Variants in TOP1MT observed in about 807,000 individuals in gnomAD.
TOP1MT encodes DNA topoisomerase I, mitochondrial.
In TOP1MT, 80 loss-of-function variants were observed where a neutral mutation model predicts 73.9. That is an observed-to-expected ratio of 1.08 (90% confidence interval 0.90 to 1.30). TOP1MT has a LOEUF of 1.30. TOP1MT is among the 50% of genes most tolerant of loss of function. The pLI, the probability that TOP1MT is intolerant of heterozygous loss-of-function variation, is 0.00. For synonymous variants in TOP1MT, 338 were observed against 326.4 expected, an observed-to-expected ratio of 1.04 and a Z score of -0.38; for missense variants, 815 against 808.0, an observed-to-expected ratio of 1.01 and a Z score of -0.10.
upstream of TOP1MT, among the ~76,000 whole-genome samples, chr8:143,347,356 C>T (rs916192585): frequency 1.3e-5 from 2 of 152,208 alleles, no homozygotes; most frequent in Non-Finnish European, 2.9e-5. Context: ...AGGGTTTCAC[C>T]ATGTTAGCCA....
At chr8:143,316,546 CCCA>C (rs1816169901) in intron 10 of TOP1MT, among the ~76,000 whole-genome samples, 1 of 42,812 alleles carries the variant, frequency 2.3e-5, no homozygotes, top group East Asian at 5.3e-4. Context: ...GTCACAAGTC[CCCA>C]GCACCCGGCT....
At chr8:143,310,041 G>A in intron 13 of TOP1MT, 27 bp downstream of exon 13, 1 of 1,607,864 alleles carries the variant, frequency 6.2e-7, no homozygotes, top group African/African-American at 1.3e-5. Flanking sequence ...GGCCACAGGT[G>A]GGAACTGAGA....
rs572479640 is a variant in TOP1MT, at chr8:143,334,577, G to A, written c.122+163C>T. On this transcript the variant is annotated intron_variant, in intron 1 of 13. Coordinates refer to ENST00000329245, the MANE Select transcript of TOP1MT (RefSeq NM_052963.3). The stretch of plus-strand genomic sequence containing the variant: ...GGGGGGGCCTGTACACCCCGGGCAG[G>A]AGGCGGGCCGGTCACACCGCGGCAC... Among the ~76,000 whole-genome samples the A allele has an allele frequency of 9.8e-4, 150 of 152,362 alleles. 3 individuals are homozygous for A. In the South Asian group the frequency reaches 0.029, roughly 30 times the overall value.
At chr8:143,353,561 T>C (rs986172566) in intron 1 of TOP1MT, among the ~76,000 whole-genome samples, 6 of 151,678 alleles carry the variant, frequency 4.0e-5, no homozygotes, top group Non-Finnish European at 8.8e-5. Context: ...TTACACTGAG[T>C]TACCACTTTA....
At chr8:143,321,845 G>A (rs200755745) in intron 7 of TOP1MT, among the ~76,000 whole-genome samples, 391 of 22,420 alleles carry the variant, frequency 0.017, 1 homozygote, top group East Asian at 0.083. Context: ...CACGCCACAC[G>A]CACGCCACAC....
upstream of TOP1MT, among the ~76,000 whole-genome samples, chr8:143,347,332 T>G (rs1276039884): frequency 1.3e-5 from 2 of 152,174 alleles, no homozygotes; most frequent in Admixed American, 1.3e-4. Flanking sequence ...CTTTTTTGTA[T>G]TTTTAGTAGA....
chr8:143,322,624 GGCACGTCACACACACACGCCACAC>G (rs1816495370), intron 7 of TOP1MT, among the ~76,000 whole-genome samples: 1 of 56,442 alleles, frequency 1.8e-5, no homozygotes, highest in Admixed American at 2.8e-4. Flanking sequence ...ATGCCACACA[GGCACGTCACACACACACGCCACAC>G]GCACACCACA....
At chr8:143,347,781 G>C (rs1033292621), upstream of TOP1MT, among the ~76,000 whole-genome samples, 2 of 152,190 alleles carry the variant, frequency 1.3e-5, no homozygotes, top group African/African-American at 4.8e-5. Context: ...CAATGGGAGA[G>C]AGGGCAGAGC....
rs554296887 is a variant in TOP1MT, at chr8:143,329,240, A to G, written c.360+110T>C. On this transcript the variant is annotated intron_variant, in intron 3 of 13. Transcript: ENST00000329245. ...CATGACGGCACCTGTGAGTGGTCAC[A>G]CAGGGGCCACCGAGAACTTGCGAGG... 244 of 1,279,786 alleles carry G rather than the reference A, an allele frequency of 1.9e-4. No homozygotes were observed. In the African/African-American group the frequency reaches 3.2e-3, roughly 17 times the overall value. 79.3% of individuals were successfully genotyped at this position (1,279,786 alleles called of 1,614,324 possible).
intron 10 of TOP1MT, among the ~76,000 whole-genome samples, chr8:143,316,635 C>T (rs915347094): frequency 4.8e-5 from 7 of 146,460 alleles, no homozygotes. Flanking sequence ...TCTGTGGGTC[C>T]CTGCCTGTCA....
rs1209101109 is a variant in TOP1MT, at chr8:143,334,775, C to T, written c.87G>A (p.Pro29=). 1.3e-6 allele frequency: 2 copies of T among 1,593,416 alleles called. No individual in the cohort carries two copies. The highest frequency in any genetic ancestry group is 1.7e-5 in the Admixed American group (1 of 58,952). The change falls in exon 1 of 14, where the codon CCG becomes CCA. Residue 29 remains proline, a synonymous_variant. Coordinates refer to ENST00000329245, the MANE Select transcript of TOP1MT (RefSeq NM_052963.3). The part of the protein sequence containing the change: ...VPRRPASRGV[P]GSRRTQKGSG... Reference sequence around the variant, plus strand: ...TGCCCTTCTGCGTCCTGCGCGAGCCCGGGACACCCCGGGAGGCCGGGCGGC... The same window carrying T: ...TGCCCTTCTGCGTCCTGCGCGAGCCTGGGACACCCCGGGAGGCCGGGCGGC...
At chr8:143,331,195 TG>T in intron 2 of TOP1MT, 28 bp downstream of exon 2, 1 of 1,555,144 alleles carries the variant, frequency 6.4e-7, no homozygotes, top group Non-Finnish European at 8.8e-7. Context: ...AAGCGCAGGC[TG>T]GGGAGGAGCC....
chr8:143,321,410 G>C (rs1035156389), intron 7 of TOP1MT, 24 bp from the exon 8 acceptor site: 2 of 1,556,530 alleles, frequency 1.3e-6, no homozygotes, highest in African/African-American at 2.7e-5. Flanking sequence ...AATGGTCAAA[G>C]TGGGTGGTGC....
chr8:143,335,181 G>A (rs1816961868), upstream of TOP1MT, among the ~76,000 whole-genome samples: 1 of 152,268 alleles, frequency 6.6e-6, no homozygotes, highest in Non-Finnish European at 1.5e-5. Context: ...GACCAGGCCA[G>A]TGAACTCCTG....
upstream of TOP1MT, chr8:143,334,942 C>CCCCG (rs1156797352): frequency 8.1e-7 from 1 of 1,227,152 alleles, no homozygotes; most frequent in African/African-American, 1.6e-5. Context: ...GCCAGCCCCG[C>CCCCG]CCCCGAGCGC....
intron 3 of TOP1MT, among the ~76,000 whole-genome samples, chr8:143,329,069 C>G (rs112572260): frequency 1.3e-5 from 2 of 152,144 alleles, no homozygotes; most frequent in Admixed American, 6.5e-5. Context: ...GACCACAAAT[C>G]GGCCTCCACA....
At chr8:143,354,550 T>C (rs1020012832) in intron 1 of TOP1MT, among the ~76,000 whole-genome samples, 2 of 151,952 alleles carry the variant, frequency 1.3e-5, no homozygotes, top group South Asian at 2.1e-4. Flanking sequence ...CCGTCTCTAC[T>C]AAAAATACAA....
At chr8:143,333,468 A>T (rs1160192112) in intron 1 of TOP1MT, among the ~76,000 whole-genome samples, 1 of 152,188 alleles carries the variant, frequency 6.6e-6, no homozygotes, top group East Asian at 1.9e-4. Flanking sequence ...TAATAAAAAT[A>T]AAAATAAAGA....
chr8:143,326,418 C>T (rs1052001770), intron 3 of TOP1MT, 74 bp from the exon 4 acceptor site: 53 of 1,585,428 alleles, frequency 3.3e-5, no homozygotes, highest in Admixed American at 8.6e-5. Flanking sequence ...CCATGTCTGA[C>T]GGACAGAAAC....
Sources: gnomAD v4.1 joint callset for allele counts (sites outside exome capture counted in the v4.1 genomes callset) on GRCh38, gnomAD v4.1.1 for gene constraint, MANE v1.5 for transcripts, NCBI Gene and HGNC (gene_info 2026-07-23, HGNC 2026-07-21) for gene names.